The following CSMD2 variants were observed in gnomAD, a reference collection of about 807,000 sequenced individuals.
The protein encoded by CSMD2 is CUB and sushi domain-containing protein 2.
CSMD2 carries 130 observed loss-of-function variants against 398.5 expected under a neutral mutation model. The ratio of observed to expected loss-of-function variants is 0.33; its 90% CI spans 0.28 to 0.38. The LOEUF is 0.38. Ranked by LOEUF, CSMD2 falls within the 10% of genes least tolerant of loss-of-function variation. The probability of loss-of-function intolerance (pLI) is 1.00; values close to 1 mark genes in which losing one functional copy is unlikely to be tolerated. For synonymous variants in CSMD2, 1,828 were observed against 1,908.5 expected, an observed-to-expected ratio of 0.96 and a Z score of 1.10; for missense variants, 3,829 against 4,764.9, an observed-to-expected ratio of 0.80 and a Z score of 5.78.
rs547067651 is a variant in CSMD2 at position 33,617,042 on chromosome 1, G to A, written c.5947-67C>T. 2.9e-4 allele frequency: 369 copies of A among 1,269,076 alleles called. 1 individual carries two copies. The African/African-American group carries it at 4.6e-3, about 16-fold the overall frequency. The allele number at this position is 1,269,076 out of a possible 1,614,324, so 78.6% of individuals were successfully genotyped here. On this transcript the variant is annotated intron_variant, in intron 38 of 70. Transcript: ENST00000373381. ...GGCACAATTGTATGTACAACCAGGGGCTGTACAGGGGTCTGGTTCAGGGGC... is the reference window on the plus strand; with the variant it reads ...GGCACAATTGTATGTACAACCAGGGACTGTACAGGGGTCTGGTTCAGGGGC...
At chr1:33,705,652 T>C (rs558641609) in intron 22 of CSMD2, among the ~76,000 whole-genome samples, 182 of 151,648 alleles carry the variant, frequency 1.2e-3, no homozygotes, top group Middle Eastern at 3.4e-3. Context: ...TTTTTTCAGA[T>C]TTTTTTTAAT....
At chr1:33,935,143 G>A (rs578159092) in intron 4 of CSMD2, among the ~76,000 whole-genome samples, 2 of 152,174 alleles carry the variant, frequency 1.3e-5, no homozygotes, top group Admixed American at 1.3e-4. Context: ...GCCTGAAACT[G>A]AGTGGGTTTC....
At chr1:34,157,662 G>A (rs181574850) in intron 1 of CSMD2, among the ~76,000 whole-genome samples, 6 of 117,892 alleles carry the variant, frequency 5.1e-5, no homozygotes, top group African/African-American at 1.6e-4. Flanking sequence ...CCACCCTCTC[G>A]ATCCCATCCC....
rs1203653734 is a variant in CSMD2, at chr1:33,698,907, G to T, written c.3771C>A (p.Pro1257=). ...CATCATGAACCTTGTAGCCAAACTTGGGGGTTCCTGGGTCCTCACATTTGA... is the reference window on the plus strand; with the variant it reads ...CATCATGAACCTTGTAGCCAAACTTTGGGGTTCCTGGGTCCTCACATTTGA... The part of the protein sequence containing the change: ...ELIKCEDPGT[P]KFGYKVHDEG... The change falls in exon 24 of 71, where the codon CCC becomes CCA. Residue 1257 remains proline, a synonymous_variant. Coordinates refer to ENST00000373381, the MANE Select transcript of CSMD2 (RefSeq NM_001281956.2). 1 of 1,614,050 alleles carries T rather than the reference G, an allele frequency of 6.2e-7. No homozygotes were observed. Among genetic ancestry groups the T allele is most frequent in the South Asian group, 1.1e-5 (1 of 91,052 alleles).
intron 60 of CSMD2, among the ~76,000 whole-genome samples, chr1:33,538,266 C>T (rs1358867694): frequency 1.3e-5 from 2 of 152,174 alleles, no homozygotes; most frequent in East Asian, 3.8e-4. Context: ...GGGCTGAACA[C>T]ATCCACAGCT....
intron 25 of CSMD2, among the ~76,000 whole-genome samples, chr1:33,664,952 T>A (rs1644260677): frequency 6.6e-6 from 1 of 152,190 alleles, no homozygotes; most frequent in Non-Finnish European, 1.5e-5. Flanking sequence ...GTTCACCTCA[T>A]CAGCATTAGA....
At chr1:34,032,806 T>C in intron 2 of CSMD2, 100 bp from the exon 3 acceptor site, 2 of 771,540 alleles carry the variant, frequency 2.6e-6, no homozygotes, top group East Asian at 2.9e-5. Flanking sequence ...AGTGCTGATC[T>C]AGGCACACAG....
At chr1:34,092,714 G>A (rs1027968382) in intron 1 of CSMD2, among the ~76,000 whole-genome samples, 5 of 151,616 alleles carry the variant, frequency 3.3e-5, no homozygotes, top group South Asian at 2.1e-4. Flanking sequence ...CTTAAAAAAC[G>A]GCGCACCACG....
chr1:33,997,221 T>C (rs1570757680), intron 3 of CSMD2, among the ~76,000 whole-genome samples: 1 of 152,264 alleles, frequency 6.6e-6, no homozygotes, highest in Middle Eastern at 3.4e-3. Flanking sequence ...CAGGAAGGAC[T>C]TGGAGAGCTG....
chr1:34,000,005 A>G (rs937928985), intron 3 of CSMD2, among the ~76,000 whole-genome samples: 1 of 152,164 alleles, frequency 6.6e-6, no homozygotes, highest in Non-Finnish European at 1.5e-5. Context: ...ATCCACTGAC[A>G]ACAAGAACAA....
chr1:34,087,654 AAT>A (rs869070225), intron 2 of CSMD2, among the ~76,000 whole-genome samples: 7 of 145,046 alleles, frequency 4.8e-5, no homozygotes, highest in African/African-American at 1.3e-4. Context: ...TAATAATAAT[AAT>A]AAAGCCAGCA....
intron 10 of CSMD2, among the ~76,000 whole-genome samples, chr1:33,809,924 A>G (rs1308997791): frequency 6.6e-6 from 1 of 152,138 alleles, no homozygotes; most frequent in Non-Finnish European, 1.5e-5. Context: ...CGATAAATAT[A>G]AGATATTTAG....
chr1:33,897,073 A>G (rs536633290), intron 5 of CSMD2, among the ~76,000 whole-genome samples: 91 of 152,264 alleles, frequency 6.0e-4, no homozygotes, highest in African/African-American at 2.1e-3. Flanking sequence ...AGTATTGTGG[A>G]AAGGTGAGAA....
intron 6 of CSMD2, chr1:33,839,072 T>C (rs1660589449): frequency 6.6e-6 from 1 of 152,266 alleles, no homozygotes; most frequent in Admixed American, 6.5e-5. Context: ...TCATTTCTGA[T>C]GTAATCACAA....
intron 53 of CSMD2, among the ~76,000 whole-genome samples, chr1:33,560,410 C>T (rs1658433671): frequency 6.6e-6 from 1 of 152,228 alleles, no homozygotes; most frequent in African/African-American, 2.4e-5. Flanking sequence ...CTTATCCCTG[C>T]ATCCCTCTGA....
At chr1:33,571,285 G>C (rs1422570985) in intron 51 of CSMD2, among the ~76,000 whole-genome samples, 1 of 152,194 alleles carries the variant, frequency 6.6e-6, no homozygotes, top group East Asian at 1.9e-4. Context: ...AAATGAATTA[G>C]TGCATGCTCA....
chr1:33,715,212 G>A (rs1004697778), intron 20 of CSMD2, among the ~76,000 whole-genome samples: 6 of 152,034 alleles, frequency 3.9e-5, no homozygotes, highest in South Asian at 2.1e-4. Context: ...CTTGTCTCTG[G>A]GCAACAAACT....
chr1:34,094,598 G>A (rs1659054507), intron 1 of CSMD2, among the ~76,000 whole-genome samples: 1 of 152,030 alleles, frequency 6.6e-6, no homozygotes, highest in Non-Finnish European at 1.5e-5. Flanking sequence ...AAAAAGGCAG[G>A]GGTTGCAATC....
chr1:34,003,304 G>A (rs1308437153), intron 3 of CSMD2, among the ~76,000 whole-genome samples: 1 of 152,162 alleles, frequency 6.6e-6, no homozygotes, highest in Non-Finnish European at 1.5e-5. Flanking sequence ...GAGAACAAGT[G>A]CTCTTGTTTC....
Sources: allele counts gnomAD v4.1 joint callset (sites outside exome capture counted in the v4.1 genomes callset), GRCh38; gene constraint gnomAD v4.1.1; transcripts MANE v1.5; gene names NCBI Gene and HGNC (gene_info 2026-07-23, HGNC 2026-07-21).